Variants in DNM2 observed in about 807,000 individuals in gnomAD.
DNM2 encodes dynamin 2, also known as dynamin-2.
DNM2 carries 15 observed loss-of-function variants against 99.0 expected under a neutral mutation model. That is an observed-to-expected ratio of 0.15 (90% CI 0.10 to 0.23). The LOEUF is 0.23. DNM2 is among the 10% of genes least tolerant of loss of function. The pLI is 1.00. For synonymous variants in DNM2, 525 were observed against 481.2 expected, an observed-to-expected ratio of 1.09 and a Z score of -1.19; for missense variants, 742 against 1,189.4, an observed-to-expected ratio of 0.62 and a Z score of 5.53.
chr19:10,829,956 G>A (rs1440492098), intron 19 of DNM2, among the ~76,000 whole-genome samples, 171 bp from the exon 20 acceptor site: 4 of 152,146 alleles, frequency 2.6e-5, no homozygotes, highest in African/African-American at 4.8e-5. Flanking sequence ...GCCTGAGGGG[G>A]CCGAGGGCAA....
intron 1 of DNM2, among the ~76,000 whole-genome samples, chr19:10,721,226 A>G (rs1344868808): frequency 6.6e-6 from 1 of 151,904 alleles, no homozygotes; most frequent in Non-Finnish European, 1.5e-5. Context: ...GTGTTATCTC[A>G]GCTTACTGCA....
Position 10,798,467 on chromosome 19 carries a change from A to G in DNM2, c.1336-19A>G. On this transcript the variant is annotated intron_variant, in intron 10 of 20. Transcript: ENST00000389253. ...CCACGAGGACCCCGCCAATGCGACCACTCTGCTTGTTCCCCCAGCTCAGTT... is the reference window on the plus strand; with the variant it reads ...CCACGAGGACCCCGCCAATGCGACCGCTCTGCTTGTTCCCCCAGCTCAGTT... The G allele has an allele frequency of 3.1e-6, 5 of 1,608,910 alleles. No homozygotes were observed. The highest frequency in any genetic ancestry group is 2.2e-5 in the South Asian group (2 of 90,792).
Position 10,821,032 on chromosome 19 carries a change from C to T in DNM2, c.1781+943C>T, listed in dbSNP as rs77518702. Among the ~76,000 whole-genome samples the T allele has an allele frequency of 8.5e-3, 1,299 of 152,250 alleles. 22 individuals carry two copies. The highest frequency in any genetic ancestry group is 0.03 in the African/African-American group (1,242 of 41,550). ...CAGGGATTAGCTGTCAGTAAAGGCC[C>T]GGTGGTACCCTGAGACCTGTAGGCA... On this transcript the variant is annotated intron_variant, in intron 16 of 20. Transcript: ENST00000389253.
intron 5 of DNM2, among the ~76,000 whole-genome samples, chr19:10,778,824 C>G (rs1049529085): frequency 6.6e-6 from 1 of 152,132 alleles, no homozygotes; most frequent in African/African-American, 2.4e-5. Context: ...TTATTGTTCT[C>G]TGTTAGCTGG....
At chr19:10,823,008 G>A (rs1278828573) in intron 16 of DNM2, among the ~76,000 whole-genome samples, 1 of 152,064 alleles carries the variant, frequency 6.6e-6, no homozygotes, top group Admixed American at 6.5e-5. Flanking sequence ...GGGAGGCTGA[G>A]GCAGGAGAAT....
intron 3 of DNM2, among the ~76,000 whole-genome samples, chr19:10,774,138 C>T (rs555597589): frequency 6.6e-6 from 1 of 152,298 alleles, no homozygotes; most frequent in African/African-American, 2.4e-5. Flanking sequence ...TTAGGTTCTT[C>T]AGATGACAAT....
In DNM2 at chr19:10,800,880, T is replaced by G. The variant is rs1159323139; in HGVS notation, c.1423-1408T>G. ...AAGCCCTGCTCCTCACATGAGACCT[T>G]TCTAGCTTGATAGCTTGAGCGTGTG... is the stretch of plus-strand genomic sequence containing the variant. On this transcript the variant is annotated intron_variant, in intron 11 of 20. Coordinates refer to ENST00000389253, the MANE Select transcript of DNM2 (RefSeq NM_001005361.3). Among the ~76,000 whole-genome samples the G allele has an allele frequency of 2.0e-5, 3 of 152,262 alleles. No individual in the cohort carries two copies. In the East Asian group the frequency reaches 5.8e-4, roughly 29 times the overall value.
At chr19:10,825,583 C>T (rs1385079912) in intron 18 of DNM2, among the ~76,000 whole-genome samples, 3 of 152,250 alleles carry the variant, frequency 2.0e-5, no homozygotes, top group South Asian at 2.1e-4. Context: ...GCAGGGGAAT[C>T]GCTTGAACCC....
rs920416070 is a variant in DNM2 at position 10,765,856 on chromosome 19, A to G, written c.235+6045A>G. ...CCTTGCCTTCAGGGCCAGCCTCGTC[A>G]TTGTGTTCTTTGCTGGGGGAACGGT... is the stretch of plus-strand genomic sequence containing the variant. On this transcript the variant is annotated intron_variant, in intron 2 of 20. Transcript: ENST00000389253. This position sits in a 1 kb window ranked among gnomAD's most constrained non-coding sequence, Gnocchi z 4.4. Among the ~76,000 whole-genome samples, 1 of 152,082 alleles carries G rather than the reference A, an allele frequency of 6.6e-6. No homozygotes were observed. The highest frequency in any genetic ancestry group is 1.5e-5 in the Non-Finnish European group (1 of 68,006).
At chr19:10,776,679 C>T (rs1484956974) in intron 4 of DNM2, among the ~76,000 whole-genome samples, 1 of 152,176 alleles carries the variant, frequency 6.6e-6, no homozygotes, top group Non-Finnish European at 1.5e-5. Context: ...GGATGGTTTC[C>T]AGAGTGGAAT....
At chr19:10,821,814 A>G (rs1199016352) in intron 16 of DNM2, among the ~76,000 whole-genome samples, 5 of 152,076 alleles carry the variant, frequency 3.3e-5, no homozygotes, top group African/African-American at 1.2e-4. Flanking sequence ...TACAGGTGTG[A>G]GCTACTGCAC....
chr19:10,718,253 G>A lies in DNM2; in HGVS notation c.11G>A (p.Arg4His). 1 of 1,483,190 alleles carries A rather than the reference G, an allele frequency of 6.7e-7. No homozygotes were observed. Among genetic ancestry groups the A allele is most frequent in the South Asian group, 1.3e-5 (1 of 77,872 alleles). The allele number at this position is 1,483,190 out of a possible 1,614,324, so 91.9% of individuals were successfully genotyped here. A position where few individuals can be genotyped will look rare whatever the true frequency, so the allele number is the denominator to read the frequency against. MGNRGMEELIPLVN... is the reference protein window; with the variant it reads MGNHGMEELIPLVN... Reference sequence around the variant, plus strand: ...GGGGCCGCCGGCGCCATGGGCAACCGCGGGATGGAAGAGCTGATCCCGCTG... The same window carrying A: ...GGGGCCGCCGGCGCCATGGGCAACCACGGGATGGAAGAGCTGATCCCGCTG... Residue 4 changes from arginine to histidine, a missense_variant, in exon 1 of 21, where the codon CGC becomes CAC. By Grantham distance (29) the Arg-to-His change is conservative (BLOSUM62 0). Coordinates refer to ENST00000389253, the MANE Select transcript of DNM2 (RefSeq NM_001005361.3).
rs747184909 is a variant in DNM2 at position 10,812,106 on chromosome 19, C to G, written c.1558-158C>G. 1.4e-5 allele frequency: 9 copies of G among 624,056 alleles called. No individual in the cohort carries two copies. The highest frequency in any genetic ancestry group is 6.0e-5 in the South Asian group (4 of 66,396). The allele number at this position is 624,056 out of a possible 1,614,324, so 38.7% of individuals were successfully genotyped here. On this transcript the variant is annotated intron_variant, in intron 14 of 20. Transcript: ENST00000389253. This position sits in a 1 kb window ranked among gnomAD's most constrained non-coding sequence, Gnocchi z 4.0. ...TCATGTTGGTTTCCTGCTGGAAATGCTTGGGACAGGGTGGAACTGGGTTTC... is the reference window on the plus strand; with the variant it reads ...TCATGTTGGTTTCCTGCTGGAAATGGTTGGGACAGGGTGGAACTGGGTTTC...
chr19:10,795,974 G>A lies in DNM2; in HGVS notation c.1196+535G>A. 2 of 1,599,938 alleles carry A rather than the reference G, an allele frequency of 1.3e-6. No homozygotes were observed. The highest frequency in any genetic ancestry group is 1.7e-5 in the Admixed American group (1 of 59,984). On this transcript the variant is annotated intron_variant, in intron 9 of 20. Coordinates refer to ENST00000389253, the MANE Select transcript of DNM2 (RefSeq NM_001005361.3). The surrounding 1 kb of genome is among the most constrained non-coding windows in gnomAD (Gnocchi z 4.2). ...TGACACAACCTTCATTCCTTGTTGG[G>A]GACCCGGCCAGGGCCAATGAAATTG...
In DNM2 at chr19:10,795,837, C is replaced by A; in HGVS notation, c.1196+398C>A. On this transcript the variant is annotated intron_variant, in intron 9 of 20. Transcript: ENST00000389253. This position sits in a 1 kb window ranked among gnomAD's most constrained non-coding sequence, Gnocchi z 4.2. ...TCCTCGTGAGCCTCTTGGGTCCCCT[C>A]CTTATTCTAACAAAGGTAGTTGCTC... 2 of 672,894 alleles carry A rather than the reference C, an allele frequency of 3.0e-6. No individual in the cohort carries two copies. Among genetic ancestry groups the A allele is most frequent in the Non-Finnish European group, 5.1e-6 (2 of 390,088 alleles). 41.7% of individuals were successfully genotyped at this position (672,894 alleles called of 1,614,324 possible).
chr19:10,718,588 C>G (rs2068830434), intron 1 of DNM2, 185 bp downstream of exon 1: 5 of 893,078 alleles, frequency 5.6e-6, no homozygotes, highest in Non-Finnish European at 7.2e-6. Flanking sequence ...TGCAGGGGCT[C>G]CGGAGCAGGC....
At chr19:10,767,731 C>T (rs540759051) in intron 2 of DNM2, among the ~76,000 whole-genome samples, 1 of 152,128 alleles carries the variant, frequency 6.6e-6, no homozygotes, top group African/African-American at 2.4e-5. Context: ...CATGGTGAAA[C>T]CTCATCTTTA....
intron 1 of DNM2, among the ~76,000 whole-genome samples, chr19:10,748,686 T>C (rs2070084991): frequency 6.6e-6 from 1 of 152,232 alleles, no homozygotes; most frequent in Non-Finnish European, 1.5e-5. Context: ...GTCCTGGCTC[T>C]GCTCCTCCCT....
chr19:10,766,588 T>C (rs1395918080), intron 2 of DNM2, among the ~76,000 whole-genome samples: 1 of 151,838 alleles, frequency 6.6e-6, no homozygotes. Context: ...TCATGGATTT[T>C]AATTAAGCAG....
Sources: allele counts gnomAD v4.1 joint callset (sites outside exome capture counted in the v4.1 genomes callset), GRCh38; gene constraint gnomAD v4.1.1; non-coding constraint Gnocchi (gnomAD v3.1); transcripts MANE v1.5; gene names NCBI Gene and HGNC (gene_info 2026-07-23, HGNC 2026-07-21).